ASAP3: variants seen among roughly 807,000 people sequenced by gnomAD.
ASAP3 encodes the protein arf-GAP with SH3 domain, ANK repeat and PH domain-containing protein 3.
In ASAP3, 85 loss-of-function variants were observed where a neutral mutation model predicts 118.2. That is an observed-to-expected ratio of 0.72 (90% confidence interval 0.60 to 0.86). The LOEUF (loss-of-function observed/expected upper bound fraction) is 0.86, where lower values mean the gene tolerates loss of function less well. ASAP3 is among the 40% of genes least tolerant of loss of function. The pLI, the probability that ASAP3 is intolerant of heterozygous loss-of-function variation, is 0.00. For missense variants in ASAP3, 1,026 were observed against 1,175.0 expected (o/e 0.87, Z 1.85); for synonymous variants, 432 against 477.4 (o/e 0.90, Z 1.24).
rs753618716 is a variant in ASAP3, at chr1:23,436,677, G to A, written c.1477-23C>T. The A allele has an allele frequency of 2.5e-6, 4 of 1,613,372 alleles. No individual in the cohort carries two copies. The South Asian group carries it at 3.3e-5, about 13-fold the overall frequency. The stretch of plus-strand genomic sequence containing the variant: ...CAGCTGGAGTCGTAGGAAAATAGAC[G>A]TGGGGCGGAGTAAGACCGGGCGGTT... On this transcript the variant is annotated intron_variant, in intron 15 of 24. Transcript: ENST00000336689. This position sits in a 1 kb window ranked among gnomAD's most constrained non-coding sequence, Gnocchi z 4.2.
chr1:23,475,598 G>A (rs1287793717), intron 1 of ASAP3, among the ~76,000 whole-genome samples: 3 of 152,140 alleles, frequency 2.0e-5, no homozygotes, highest in Non-Finnish European at 2.9e-5. Flanking sequence ...TCTCCAGCCC[G>A]CTCCTTTGAA....
intron 1 of ASAP3, among the ~76,000 whole-genome samples, chr1:23,467,423 T>C (rs1371224785): frequency 6.6e-6 from 1 of 152,156 alleles, no homozygotes; most frequent in Non-Finnish European, 1.5e-5. Flanking sequence ...GTGGATTTGG[T>C]TCATCATTCT....
At chr1:23,432,281 A>C (rs1570322748) in intron 22 of ASAP3, among the ~76,000 whole-genome samples, 1 of 152,182 alleles carries the variant, frequency 6.6e-6, no homozygotes, top group African/African-American at 2.4e-5. Context: ...TGCAGAGATT[A>C]CAGGCACGAG....
At chr1:23,443,859 T>C (rs1228751593) in intron 5 of ASAP3, among the ~76,000 whole-genome samples, 2 of 152,002 alleles carry the variant, frequency 1.3e-5, no homozygotes, top group Non-Finnish European at 2.9e-5. Context: ...TAGGTGGGAG[T>C]ACAGGTGGGT....
At chr1:23,456,256 G>T in intron 1 of ASAP3, 62 bp from the exon 2 acceptor site, 1 of 1,504,116 alleles carries the variant, frequency 6.6e-7, no homozygotes, top group Non-Finnish European at 9.2e-7. Flanking sequence ...CTTCCTTCAG[G>T]AACGCTGTAT....
At chr1:23,460,536 A>C (rs942259894) in intron 1 of ASAP3, among the ~76,000 whole-genome samples, 7 of 151,290 alleles carry the variant, frequency 4.6e-5, no homozygotes, top group East Asian at 1.9e-4. Flanking sequence ...ACCAAACAAA[A>C]ACACACACAC....
In ASAP3 at chr1:23,433,834, T is replaced by C. The variant is rs1570327057; in HGVS notation, c.1952-141A>G. 2.9e-6 allele frequency: 3 copies of C among 1,027,966 alleles called. No individual in the cohort carries two copies. In the East Asian group the frequency reaches 7.8e-5, roughly 27 times the overall value. 63.7% of individuals were successfully genotyped at this position (1,027,966 alleles called of 1,614,324 possible). On this transcript the variant is annotated intron_variant, in intron 19 of 24. Coordinates refer to ENST00000336689, the MANE Select transcript of ASAP3 (RefSeq NM_017707.4). The stretch of plus-strand genomic sequence containing the variant: ...TTCTGGCTATGTGACCATAGGCAAG[T>C]TATATAACCTTTTGGGACAAAATTG...
At chr1:23,431,304 C>T (rs1640423388) in intron 23 of ASAP3, among the ~76,000 whole-genome samples, 179 bp from the exon 24 acceptor site, 1 of 152,216 alleles carries the variant, frequency 6.6e-6, no homozygotes, top group South Asian at 2.1e-4. Context: ...CCAGAAGACT[C>T]TGTGGATATC....
chr1:23,446,131 T>C (rs1013503623), intron 5 of ASAP3, among the ~76,000 whole-genome samples: 1 of 152,150 alleles, frequency 6.6e-6, no homozygotes, highest in Non-Finnish European at 1.5e-5. Flanking sequence ...CAATCCCCCA[T>C]GGATAATGAG....
At chr1:23,469,603 G>A (rs993193645) in intron 1 of ASAP3, among the ~76,000 whole-genome samples, 1 of 152,198 alleles carries the variant, frequency 6.6e-6, no homozygotes, top group Non-Finnish European at 1.5e-5. Flanking sequence ...CCAACAGGAA[G>A]GACTCCCATT....
In ASAP3 at chr1:23,437,074, G is replaced by A. The variant is rs781337806; in HGVS notation, c.1343-30C>T. 1.2e-6 allele frequency: 2 copies of A among 1,603,422 alleles called. No homozygotes were observed. The highest frequency in any genetic ancestry group is 1.7e-6 in the Non-Finnish European group (2 of 1,174,908). On this transcript the variant is annotated intron_variant, in intron 14 of 24. Coordinates refer to ENST00000336689, the MANE Select transcript of ASAP3 (RefSeq NM_017707.4). The surrounding 1 kb of genome is among the most constrained non-coding windows in gnomAD (Gnocchi z 6.1). ...AGAGGAAAGCAGCTGGAGCCTGGAGGTGCAGCCCCTCCCCTCCACTTAAGC... is the reference window on the plus strand; with the variant it reads ...AGAGGAAAGCAGCTGGAGCCTGGAGATGCAGCCCCTCCCCTCCACTTAAGC...
At chr1:23,467,160 G>A (rs902454367) in intron 1 of ASAP3, among the ~76,000 whole-genome samples, 3 of 149,340 alleles carry the variant, frequency 2.0e-5, no homozygotes, top group African/African-American at 5.1e-5. Flanking sequence ...CACCTCACCC[G>A]GCCCATTACA....
chr1:23,435,741 C>G, intron 17 of ASAP3, 110 bp downstream of exon 17: 2 of 1,262,242 alleles, frequency 1.6e-6, no homozygotes, highest in Non-Finnish European at 2.3e-6. Context: ...TGGGTGAGAT[C>G]TGAGCAGATG....
rs778105708 is a variant in ASAP3, at chr1:23,433,549, C to T, written c.2020-17G>A. On this transcript the variant is annotated splice_polypyrimidine_tract_variant and intron_variant, in intron 20 of 24. Transcript: ENST00000336689. ...CTGCTCCAGCTGCCAAAAACAAAGG[C>T]TTGGTGGTTCAGAGGGTTGGGGGCT... 1 of 1,614,182 alleles carries T rather than the reference C, an allele frequency of 6.2e-7. No individual in the cohort carries two copies. The highest frequency in any genetic ancestry group is 1.7e-5 in the Admixed American group (1 of 60,030).
In ASAP3 at chr1:23,437,041, G is replaced by A; in HGVS notation, c.1346C>T (p.Pro449Leu). ...SQCCDCGAADPTWLSTNLGVL... is the reference protein window; with the variant it reads ...SQCCDCGAADLTWLSTNLGVL... ...GCCCAGGTTGGTGCTGAGCCACGTGGGGTCTGCAGAGGAAAGCAGCTGGAG... is the reference window on the plus strand; with the variant it reads ...GCCCAGGTTGGTGCTGAGCCACGTGAGGTCTGCAGAGGAAAGCAGCTGGAG... Residue 449 changes from proline (P) to leucine (L), a missense_variant, in exon 15 of 25, where the codon CCC becomes CTC. Coordinates refer to ENST00000336689, the MANE Select transcript of ASAP3 (RefSeq NM_017707.4). This position sits in a 1 kb window ranked among gnomAD's most constrained non-coding sequence, Gnocchi z 6.1. 1 of 1,610,478 alleles carries A rather than the reference G, an allele frequency of 6.2e-7. No homozygotes were observed. Among genetic ancestry groups the A allele is most frequent in the Non-Finnish European group, 8.5e-7 (1 of 1,178,836 alleles).
rs551999602 is a variant in ASAP3 at position 23,453,129 on chromosome 1, C to G, written c.349-358G>C. ...GCTGCACTGCTCCAGCAGCATCCCA[C>G]AGTCAATCTCTCCCCTGTTCCTCGC... On this transcript the variant is annotated intron_variant, in intron 3 of 24. Transcript: ENST00000336689. Among the ~76,000 whole-genome samples, 9 of 152,332 alleles carry G rather than the reference C, an allele frequency of 5.9e-5. No homozygotes were observed. The South Asian group carries it at 1.9e-3, about 32-fold the overall frequency.
intron 11 of ASAP3, 48 bp downstream of exon 11, chr1:23,439,113 G>T: frequency 6.3e-7 from 1 of 1,592,848 alleles, no homozygotes; most frequent in Non-Finnish European, 8.6e-7. Flanking sequence ...AACACCAGAA[G>T]AAGAGGGTCC....
In ASAP3 at chr1:23,433,516, G is replaced by T; in HGVS notation, c.2036C>A (p.Ala679Glu). 6.2e-7 allele frequency: 1 copy of T among 1,614,182 alleles called. No homozygotes were observed. The highest frequency in any genetic ancestry group is 8.5e-7 in the Non-Finnish European group (1 of 1,180,032). The part of the protein sequence containing the change: ...ECEELLEQAQ[A>E]GTFAFPLHVD... ...ATGTAGAGGGAAGGCAAAGGTCCCC[G>T]CCTGGGCCTGCTCCAGCTGCCAAAA... Residue 679 changes from alanine (A) to glutamate (E), a missense_variant, in exon 21 of 25, where the codon GCG (alanine) becomes GAG (glutamate). Physicochemically the swap from Ala to Glu is moderately radical, Grantham distance 107 (BLOSUM62 -1). Coordinates refer to ENST00000336689, the MANE Select transcript of ASAP3 (RefSeq NM_017707.4).
At chr1:23,448,086 TC>T (rs1446330606) in intron 5 of ASAP3, among the ~76,000 whole-genome samples, 1 of 152,242 alleles carries the variant, frequency 6.6e-6, no homozygotes. Context: ...GAAACATTTT[TC>T]TGTCTTATGA....
Sources: gnomAD v4.1 joint callset for allele counts (sites outside exome capture counted in the v4.1 genomes callset) on GRCh38, gnomAD v4.1.1 for gene constraint, Gnocchi (gnomAD v3.1) non-coding constraint, MANE v1.5 for transcripts, NCBI Gene and HGNC (gene_info 2026-07-23, HGNC 2026-07-21) for gene names.